Variants in DRC12 observed in about 807,000 individuals in gnomAD.
DRC12 encodes dynein regulatory complex subunit 12 homolog.
At chr11:119,190,870 G>T in the DRC12 span, 1 of 1,603,306 alleles carries the variant, frequency 6.2e-7, no homozygotes, top group Non-Finnish European at 8.5e-7. This position sits in a 1 kb window ranked among gnomAD's most constrained non-coding sequence, Gnocchi z 4.2. Flanking sequence ...AAGAGAGCAG[G>T]ATGGTGACAC....
At chr11:119,192,097 T>A in the DRC12 span, among the ~76,000 whole-genome samples, 1 of 151,392 alleles carries the variant, frequency 6.6e-6, no homozygotes, top group Non-Finnish European at 1.5e-5. Flanking sequence ...TGACTCAGCC[T>A]CCCAAGTAGC....
chr11:119,194,790 T>A, the DRC12 span: 5 of 582,224 alleles, frequency 8.6e-6, no homozygotes, highest in South Asian at 2.0e-5. Context: ...TCTCATCATC[T>A]TTTTCCACTA....
At chr11:119,191,977 C>CTTT in the DRC12 span, among the ~76,000 whole-genome samples, 1 of 137,338 alleles carries the variant, frequency 7.3e-6, no homozygotes, top group Non-Finnish European at 1.6e-5. Context: ...AACCGAAGGC[C>CTTT]TTTTTTTTTT....
At chr11:119,191,344 C>T in the DRC12 span, among the ~76,000 whole-genome samples, 2 of 151,546 alleles carry the variant, frequency 1.3e-5, no homozygotes, top group African/African-American at 4.9e-5. Context: ...GTGATCCGCC[C>T]GCCTCGGCCT....
the DRC12 span, chr11:119,190,726 T>C: frequency 6.2e-7 from 1 of 1,613,938 alleles, no homozygotes; most frequent in African/African-American, 1.3e-5. This position sits in a 1 kb window ranked among gnomAD's most constrained non-coding sequence, Gnocchi z 4.2. Flanking sequence ...GATTTCCTCA[T>C]ACTTCGCCTC....
the DRC12 span, among the ~76,000 whole-genome samples, chr11:119,194,661 C>T: frequency 6.6e-6 from 1 of 151,642 alleles, no homozygotes; most frequent in Admixed American, 6.6e-5. Context: ...GGACTATGAC[C>T]ATACCACTGC....
At chr11:119,190,565 G>C in the DRC12 span, 1 of 1,552,650 alleles carries the variant, frequency 6.4e-7, no homozygotes, top group Non-Finnish European at 8.8e-7. This position sits in a 1 kb window ranked among gnomAD's most constrained non-coding sequence, Gnocchi z 4.2. Context: ...TATCCCCTCT[G>C]TCTGCCCTCA....
the DRC12 span, among the ~76,000 whole-genome samples, chr11:119,191,976 C>A: frequency 9.1e-6 from 1 of 109,872 alleles, no homozygotes; most frequent in African/African-American, 3.9e-5. Context: ...AAACCGAAGG[C>A]CTTTTTTTTT....
the DRC12 span, among the ~76,000 whole-genome samples, chr11:119,191,188 C>T: frequency 6.6e-6 from 1 of 151,656 alleles, no homozygotes; most frequent in African/African-American, 2.4e-5. Flanking sequence ...CAACTGCCAC[C>T]TCCTGGGTTC....
At chr11:119,193,517 C>CA in the DRC12 span, 27 of 1,291,260 alleles carry the variant, frequency 2.1e-5, no homozygotes, top group East Asian at 7.0e-4. Context: ...GCTATGACTG[C>CA]ATGTGTATCC....
At chr11:119,193,841 G>C in the DRC12 span, 3 of 1,551,478 alleles carry the variant, frequency 1.9e-6, no homozygotes, top group Non-Finnish European at 2.6e-6. Context: ...TGCCTCAGCT[G>C]GTCTTCGGAA....
At chr11:119,193,045 G>A in the DRC12 span, 1 of 972,734 alleles carries the variant, frequency 1.0e-6, no homozygotes, top group East Asian at 2.4e-5. Flanking sequence ...TGATCCAAGA[G>A]CCCAGACGGC....
the DRC12 span, among the ~76,000 whole-genome samples, chr11:119,192,979 TC>T: frequency 6.6e-6 from 1 of 152,282 alleles, no homozygotes; most frequent in South Asian, 2.1e-4. Context: ...ATTTTTGGTA[TC>T]CCGAACCCTC....
the DRC12 span, chr11:119,195,257 C>T: frequency 1.5e-6 from 1 of 674,328 alleles, no homozygotes; most frequent in Non-Finnish European, 2.6e-6. Context: ...GTGACCATTT[C>T]CCCACTTCCT....
At chr11:119,194,824 C>A in the DRC12 span, 6 of 744,686 alleles carry the variant, frequency 8.1e-6, no homozygotes, top group Admixed American at 2.5e-5. Flanking sequence ...GTCAACTTAA[C>A]CCCCCACCAT....
the DRC12 span, chr11:119,195,777 A>G: frequency 8.8e-6 from 3 of 340,514 alleles, no homozygotes; most frequent in East Asian, 2.1e-4. Context: ...TCTTCCCATC[A>G]TCCTCAACCC....
At chr11:119,190,300 C>T in the DRC12 span, 3 of 1,614,158 alleles carry the variant, frequency 1.9e-6, no homozygotes, top group Non-Finnish European at 1.7e-6. The surrounding 1 kb of genome is among the most constrained non-coding windows in gnomAD (Gnocchi z 4.2). Flanking sequence ...TCAGAGAACA[C>T]TAGAGACTAG....
the DRC12 span, among the ~76,000 whole-genome samples, chr11:119,194,203 A>G: frequency 6.6e-6 from 1 of 151,922 alleles, no homozygotes; most frequent in Non-Finnish European, 1.5e-5. Flanking sequence ...TGGGCAACAG[A>G]GTGAGACCTT....
the DRC12 span, among the ~76,000 whole-genome samples, chr11:119,192,030 C>T: frequency 6.7e-6 from 1 of 148,868 alleles, no homozygotes; most frequent in Non-Finnish European, 1.5e-5. Context: ...GGCTGGAGTG[C>T]AGTGGTGCGA....
Sources: gnomAD v4.1 joint callset for allele counts (sites outside exome capture counted in the v4.1 genomes callset) on GRCh38, gnomAD v4.1.1 for gene constraint, Gnocchi (gnomAD v3.1) non-coding constraint, MANE v1.5 for transcripts, NCBI Gene and HGNC (gene_info 2026-07-23, HGNC 2026-07-21) for gene names.